FILIP1: variants seen among roughly 807,000 people sequenced by gnomAD.
The protein encoded by FILIP1 is filamin A interacting protein 1.
FILIP1 carries 61 observed loss-of-function variants against 102.1 expected under a neutral mutation model. The observed-to-expected ratio is 0.60, with a 90% CI of 0.49 to 0.74. FILIP1 has a LOEUF of 0.74. Among genes scored for constraint, FILIP1 ranks in the 30% least tolerant of loss-of-function variants. The pLI, the probability that FILIP1 is intolerant of heterozygous loss-of-function variation, is 0.00. For synonymous variants in FILIP1, 491 were observed against 526.9 expected (o/e 0.93, Z 0.93); for missense variants, 1,314 against 1,441.2 (o/e 0.91, Z 1.43).
intron 4 of FILIP1, among the ~76,000 whole-genome samples, chr6:75,342,584 A>G (rs546468817): frequency 6.6e-6 from 1 of 152,326 alleles, no homozygotes; most frequent in South Asian, 2.1e-4. Flanking sequence ...TCCTGAGTTC[A>G]TTCTAGGGCT....
chr6:75,363,163 A>G (rs1416101368), intron 2 of FILIP1: 6 of 414,640 alleles, frequency 1.4e-5, no homozygotes, highest in Non-Finnish European at 2.6e-5. Context: ...ACTACATAAA[A>G]ATTGCTTTAT....
At chr6:75,364,394 T>C (rs900202818) in intron 2 of FILIP1, among the ~76,000 whole-genome samples, 4 of 152,176 alleles carry the variant, frequency 2.6e-5, no homozygotes, top group Non-Finnish European at 4.4e-5. Context: ...ACAGCTTACG[T>C]AGTGAGTGAA....
rs142456529 is a variant in FILIP1 at position 75,335,886 on chromosome 6, T to C, written c.629+17653A>G. ...TAATGTTCAGTCATGCCCTTTGCTT[T>C]AAGAATATGTCTAACCTCTCAATAG... On this transcript the variant is annotated intron_variant, in intron 4 of 5. Coordinates refer to ENST00000237172, the MANE Select transcript of FILIP1 (RefSeq NM_015687.5). Among the ~76,000 whole-genome samples, 6 of 152,324 alleles carry C rather than the reference T, an allele frequency of 3.9e-5. No homozygotes were observed. The East Asian group carries it at 1.2e-3, about 29-fold the overall frequency.
At chr6:75,312,180 G>A (rs1366478717) in intron 5 of FILIP1, among the ~76,000 whole-genome samples, 1 of 152,152 alleles carries the variant, frequency 6.6e-6, no homozygotes, top group African/African-American at 2.4e-5. Flanking sequence ...TACATGAATA[G>A]GTGAAGTTTT....
chr6:75,322,001 G>A (rs1409251071), intron 4 of FILIP1, among the ~76,000 whole-genome samples: 3 of 152,126 alleles, frequency 2.0e-5, no homozygotes, highest in African/African-American at 7.2e-5. Flanking sequence ...AGAAACACAG[G>A]AGCACCCAAG....
chr6:75,294,007 A>G (rs1213564077), exon 7 of FILIP1: 1 of 152,240 alleles, frequency 6.6e-6, no homozygotes, highest in Non-Finnish European at 1.5e-5. Flanking sequence ...TGTTTTCACA[A>G]TCATTCAAGC....
rs186633939 is a variant in FILIP1 at position 75,317,169 on chromosome 6, A to G, written c.630-1967T>C. Among the ~76,000 whole-genome samples, 184 of 152,324 alleles carry G rather than the reference A, an allele frequency of 1.2e-3. 2 individuals are homozygous for G. Among genetic ancestry groups the G allele is most frequent in the Non-Finnish European group, 8.4e-4 (57 of 68,030 alleles). On this transcript the variant is annotated intron_variant, in intron 4 of 5. Transcript: ENST00000237172. Reference sequence around the variant, plus strand: ...TTTCTAACTGTGTAATCTCTGGCCAATCACTGAAACTCTCTGATTCTCAAT... The same window carrying G: ...TTTCTAACTGTGTAATCTCTGGCCAGTCACTGAAACTCTCTGATTCTCAAT...
At chr6:75,303,663 C>T (rs1021176927), downstream of FILIP1, among the ~76,000 whole-genome samples, 2 of 151,958 alleles carry the variant, frequency 1.3e-5, no homozygotes, top group Middle Eastern at 3.2e-3. Context: ...ATCTTACCTC[C>T]CCTGACCAGA....
In FILIP1 at chr6:75,313,144, G is replaced by A. The variant is rs1158725377; in HGVS notation, c.2688C>T (p.His896=). 6.2e-7 allele frequency: 1 copy of A among 1,614,052 alleles called. No individual in the cohort carries two copies. The highest frequency in any genetic ancestry group is 1.3e-5 in the African/African-American group (1 of 74,900). The part of the protein sequence containing the change: ...KGPRTNSSPG[H]PGEVVLSPKQ... ...TTGGTGAAAGGACTACCTCTCCTGG[G>A]TGCCCTGGACTGGAATTTGTTCGGG... Residue 896 remains histidine (H), a synonymous_variant, in exon 5 of 6, where the codon CAC becomes CAT. Transcript: ENST00000237172. The surrounding 1 kb of genome is among the most constrained non-coding windows in gnomAD (Gnocchi z 4.2).
In FILIP1 at chr6:75,313,049, G is replaced by A. The variant is rs370738613; in HGVS notation, c.2783C>T (p.Thr928Ile). ...HENSTATLEITSPTSEEFFSS... is the reference protein window; with the variant it reads ...HENSTATLEIISPTSEEFFSS... ...AAAAAATTCTTCAGATGTCGGGCTT[G>A]TTATCTCCAAAGTCGCAGTGCTGTT... Residue 928 changes from threonine to isoleucine, a missense_variant, in exon 5 of 6, where the codon ACA (threonine) becomes ATA (isoleucine). Around this residue, in one of 3 missense-constraint regions of FILIP1, gnomAD observed 816 missense variants for 913.1 expected, o/e 0.89. Transcript: ENST00000237172. The surrounding 1 kb of genome is among the most constrained non-coding windows in gnomAD (Gnocchi z 4.2). 4.3e-6 allele frequency: 7 copies of A among 1,614,078 alleles called. No individual in the cohort carries two copies. The highest frequency in any genetic ancestry group is 4.2e-6 in the Non-Finnish European group (5 of 1,180,046).
intron 1 of FILIP1, among the ~76,000 whole-genome samples, chr6:75,447,938 T>TCAG (rs1778493330): frequency 6.6e-6 from 1 of 152,054 alleles, no homozygotes; most frequent in African/African-American, 2.4e-5. Context: ...GGGAATTTCT[T>TCAG]CAGGATTCTT....
intron 1 of FILIP1, among the ~76,000 whole-genome samples, chr6:75,426,380 T>C (rs1302750837): frequency 1.3e-5 from 2 of 152,042 alleles, no homozygotes; most frequent in African/African-American, 2.4e-5. Flanking sequence ...TGGGTAAAAA[T>C]TGAGAGTAGG....
intron 1 of FILIP1, among the ~76,000 whole-genome samples, chr6:75,441,438 C>T (rs746457851): frequency 0.04 from 6,075 of 152,162 alleles, 176 homozygotes; most frequent in Non-Finnish European, 0.055. Flanking sequence ...CCTTTCCCCC[C>T]CTTCTATTCC....
rs150598783 is a variant in FILIP1 at position 75,333,825 on chromosome 6, A to G, written c.630-18623T>C. Reference sequence around the variant, plus strand: ...CTGAATTTAGACAATGTTTTTTGGCATTTTGAAAAATTACTAAAGTTCAAG... The same window carrying G: ...CTGAATTTAGACAATGTTTTTTGGCGTTTTGAAAAATTACTAAAGTTCAAG... On this transcript the variant is annotated intron_variant, in intron 4 of 5. Transcript: ENST00000237172. Among the ~76,000 whole-genome samples, 7 of 152,244 alleles carry G rather than the reference A, an allele frequency of 4.6e-5. No homozygotes were observed. The East Asian group carries it at 1.2e-3, about 25-fold the overall frequency.
At chr6:75,339,964 A>G (rs1252639580) in intron 4 of FILIP1, among the ~76,000 whole-genome samples, 1 of 151,760 alleles carries the variant, frequency 6.6e-6, no homozygotes, top group African/African-American at 2.4e-5. Flanking sequence ...ATAAATAAAT[A>G]TATATATAAT....
intron 2 of FILIP1, among the ~76,000 whole-genome samples, chr6:75,408,033 C>T (rs1776933351): frequency 6.6e-6 from 1 of 152,078 alleles, no homozygotes; most frequent in Non-Finnish European, 1.5e-5. Flanking sequence ...GGGACTAATA[C>T]AAGGGGAAAT....
chr6:75,314,778 G>T lies in FILIP1; in HGVS notation c.1054C>A (p.Leu352Met). The T allele has an allele frequency of 1.2e-6, 2 of 1,614,106 alleles. No homozygotes were observed. Among genetic ancestry groups the T allele is most frequent in the Non-Finnish European group, 1.7e-6 (2 of 1,180,014 alleles). ...IEELEETNKN[L>M]QKAEEELQEL... ...TGAAGTTCTTCCTCTGCCTTCTGCAGATTTTTGTTGGTCTCTTCTAGCTCC... is the reference window on the plus strand; with the variant it reads ...TGAAGTTCTTCCTCTGCCTTCTGCATATTTTTGTTGGTCTCTTCTAGCTCC... The change falls in exon 5 of 6, where the codon CTG becomes ATG. Residue 352 changes from leucine (L) to methionine (M), a missense_variant. Coordinates refer to ENST00000237172, the MANE Select transcript of FILIP1 (RefSeq NM_015687.5).
At chr6:75,362,701 C>T in intron 3 of FILIP1, 43 bp downstream of exon 3, 1 of 1,589,490 alleles carries the variant, frequency 6.3e-7, no homozygotes, top group Non-Finnish European at 8.6e-7. Context: ...AGATATCTCC[C>T]TGAGGTTCCC....
At chr6:75,480,405 A>G (rs981025489) in intron 1 of FILIP1, among the ~76,000 whole-genome samples, 4 of 144,334 alleles carry the variant, frequency 2.8e-5, no homozygotes, top group African/African-American at 1.0e-4. Context: ...TATGGGTTTA[A>G]AATTCTTTTT....
Sources: allele counts gnomAD v4.1 joint callset (sites outside exome capture counted in the v4.1 genomes callset), GRCh38; gene constraint gnomAD v4.1.1; regional missense constraint gnomAD v4.1.1; non-coding constraint Gnocchi (gnomAD v3.1); transcripts MANE v1.5; gene names NCBI Gene and HGNC (gene_info 2026-07-23, HGNC 2026-07-21).